SMG6: variants seen among roughly 807,000 people sequenced by gnomAD.
SMG6 encodes SMG6 nonsense mediated mRNA decay factor, also known as telomerase-binding protein EST1A.
A neutral mutation model predicts 142.2 loss-of-function variants in SMG6; 66 were observed. That is an observed-to-expected ratio of 0.46 (90% CI 0.38 to 0.57). SMG6 has a LOEUF of 0.57. SMG6 is among the 20% of genes least tolerant of loss of function. The probability of loss-of-function intolerance (pLI) is 0.00; values close to 1 mark genes in which losing one functional copy is unlikely to be tolerated. For missense variants in SMG6, 1,793 were observed against 1,832.0 expected (o/e 0.98, Z 0.39); for synonymous variants, 779 against 702.4 (o/e 1.11, Z -1.72).
intron 10 of SMG6, among the ~76,000 whole-genome samples, chr17:2,193,743 C>A (rs1597568740): frequency 6.6e-6 from 1 of 152,186 alleles, no homozygotes; most frequent in African/African-American, 2.4e-5. Flanking sequence ...TACTACATAT[C>A]ATAAGGAAGA....
At chr17:2,253,364 C>T (rs574233585) in intron 8 of SMG6, among the ~76,000 whole-genome samples, 29 of 152,102 alleles carry the variant, frequency 1.9e-4, no homozygotes, top group South Asian at 1.7e-3. Context: ...AGGATGGTCT[C>T]GATCTCCTGA....
rs752531928 is a variant in SMG6 at position 2,297,251 on chromosome 17, G to A, written c.2143C>T (p.Arg715Cys). 22 of 1,601,560 alleles carry A rather than the reference G, an allele frequency of 1.4e-5. No homozygotes were observed. The highest frequency in any genetic ancestry group is 6.7e-5 in the African/African-American group (5 of 74,098). Residue 715 changes from arginine (R) to cysteine (C), a missense_variant, in exon 4 of 19, where the codon CGC becomes TGC. This residue lies in a region of SMG6 where 1,597 missense variants were observed against 1,584.6 expected (regional missense o/e 1.01). Coordinates refer to ENST00000263073, the MANE Select transcript of SMG6 (RefSeq NM_017575.5). ...TAAAGAAGGTAGCTTACTGTCTTGCGTAATGGCTTGCTGCGAATGGCAAGA... is the reference window on the plus strand; with the variant it reads ...TAAAGAAGGTAGCTTACTGTCTTGCATAATGGCTTGCTGCGAATGGCAAGA... ...DGLAIRSKPLRKTVKYALISA... is the reference protein window; with the variant it reads ...DGLAIRSKPLCKTVKYALISA...
intron 13 of SMG6, among the ~76,000 whole-genome samples, chr17:2,115,325 G>C (rs1456110532): frequency 1.3e-5 from 2 of 151,840 alleles, no homozygotes; most frequent in African/African-American, 4.8e-5. Context: ...GCCCTAGTAA[G>C]GATGAAAAAA....
intron 13 of SMG6, among the ~76,000 whole-genome samples, chr17:2,150,020 G>A (rs978910781): frequency 6.6e-6 from 1 of 152,316 alleles, no homozygotes; most frequent in Admixed American, 6.5e-5. Flanking sequence ...ATCCAGTCTA[G>A]AGCAGGGGTC....
At chr17:2,123,066 G>T (rs2069752830) in intron 13 of SMG6, among the ~76,000 whole-genome samples, 1 of 152,228 alleles carries the variant, frequency 6.6e-6, no homozygotes, top group Admixed American at 6.5e-5. Flanking sequence ...GTGAAGCAAC[G>T]CTAGACAATG....
At chr17:2,186,586 C>A (rs2151688089) in intron 12 of SMG6, 77 bp downstream of exon 12, 3 of 1,522,654 alleles carry the variant, frequency 2.0e-6, no homozygotes, top group Non-Finnish European at 2.7e-6. Context: ...AGAAACAGAG[C>A]AGGATGAAGA....
chr17:2,268,422 A>T (rs1256251657), intron 8 of SMG6, among the ~76,000 whole-genome samples: 4 of 152,224 alleles, frequency 2.6e-5, no homozygotes, highest in African/African-American at 9.6e-5. Flanking sequence ...TCACAGCAGC[A>T]GCAGCTCAGG....
intron 13 of SMG6, among the ~76,000 whole-genome samples, chr17:2,151,749 C>T (rs2070831770): frequency 6.6e-6 from 1 of 152,334 alleles, no homozygotes; most frequent in East Asian, 1.9e-4. Flanking sequence ...ATTTTCCCTA[C>T]ACCTATGCGG....
At chr17:2,259,641 C>G (rs2074268339) in intron 8 of SMG6, among the ~76,000 whole-genome samples, 1 of 147,382 alleles carries the variant, frequency 6.8e-6, no homozygotes, top group Non-Finnish European at 1.5e-5. Context: ...CCACTGCACT[C>G]CAGCCTGGGT....
intron 13 of SMG6, among the ~76,000 whole-genome samples, chr17:2,104,168 G>A: frequency 6.6e-6 from 1 of 151,938 alleles, no homozygotes; most frequent in East Asian, 1.9e-4. Context: ...AGCCAGGATG[G>A]TCTTGATCTC....
chr17:2,244,180 T>C (rs2073877009), intron 9 of SMG6, among the ~76,000 whole-genome samples: 1 of 152,176 alleles, frequency 6.6e-6, no homozygotes. Context: ...ATCAGCAATA[T>C]GGCAAAGGAA....
chr17:2,061,725 G>A (rs2067786585), intron 18 of SMG6, 103 bp from the exon 19 acceptor site: 15 of 1,317,014 alleles, frequency 1.1e-5, no homozygotes, highest in Admixed American at 2.1e-5. Context: ...GGGGTGCCAC[G>A]CTAGCCGTGT....
intron 13 of SMG6, among the ~76,000 whole-genome samples, chr17:2,092,385 G>A (rs1310914683): frequency 1.3e-5 from 2 of 152,160 alleles, no homozygotes. Flanking sequence ...CATTCCATGT[G>A]TCTGGTCCCA....
chr17:2,160,419 A>C (rs181290987), intron 13 of SMG6, among the ~76,000 whole-genome samples: 23 of 152,230 alleles, frequency 1.5e-4, no homozygotes, highest in African/African-American at 5.5e-4. Flanking sequence ...GGGTTTCACC[A>C]TACTGCCCAG....
chr17:2,139,151 G>A (rs2070394033), intron 13 of SMG6, among the ~76,000 whole-genome samples: 1 of 152,210 alleles, frequency 6.6e-6, no homozygotes, highest in South Asian at 2.1e-4. Flanking sequence ...CTAAAAAAGG[G>A]AGATGTTTCC....
rs2068535076 is a variant in SMG6, at chr17:2,085,494, A to C, written c.3534+231T>G. 6.6e-6 allele frequency among the ~76,000 whole-genome samples: 1 copy of C among 152,078 alleles called. No individual in the cohort carries two copies. Among genetic ancestry groups the C allele is most frequent in the Non-Finnish European group, 1.5e-5 (1 of 68,020 alleles). Reference sequence around the variant, plus strand: ...TTCTTTCTTTTCCTCCCTTCTCCTCAATGCAGCATTAAAAGAAGCATCTGG... The same window carrying C: ...TTCTTTCTTTTCCTCCCTTCTCCTCCATGCAGCATTAAAAGAAGCATCTGG... On this transcript the variant is annotated intron_variant, in intron 14 of 18. Coordinates refer to ENST00000263073, the MANE Select transcript of SMG6 (RefSeq NM_017575.5). This position sits in a 1 kb window ranked among gnomAD's most constrained non-coding sequence, Gnocchi z 4.1.
chr17:2,200,122 T>C (rs894547118), intron 10 of SMG6: 4 of 151,904 alleles, frequency 2.6e-5, no homozygotes, highest in African/African-American at 9.7e-5. Flanking sequence ...GGTTTCGCTA[T>C]GTTGGCTAGG....
chr17:2,127,509 G>GT (rs2069938217), intron 13 of SMG6: 4 of 674,366 alleles, frequency 5.9e-6, no homozygotes, highest in Non-Finnish European at 1.1e-5. Flanking sequence ...TATCAAGCTT[G>GT]TATGACTCAA....
At chr17:2,294,879 CTTT>C (rs35762226) in intron 4 of SMG6, among the ~76,000 whole-genome samples, 5 of 146,526 alleles carry the variant, frequency 3.4e-5, no homozygotes, top group Admixed American at 6.8e-5. Context: ...TCAATAAACA[CTTT>C]TTTTTTTTTT....
Sources: allele counts gnomAD v4.1 joint callset (sites outside exome capture counted in the v4.1 genomes callset), GRCh38; gene constraint gnomAD v4.1.1; regional missense constraint gnomAD v4.1.1; non-coding constraint Gnocchi (gnomAD v3.1); transcripts MANE v1.5; gene names NCBI Gene and HGNC (gene_info 2026-07-23, HGNC 2026-07-21).